Variants in PIK3CB observed in about 807,000 individuals in gnomAD.
PIK3CB encodes phosphatidylinositol-4,5-bisphosphate 3-kinase catalytic subunit beta.
In PIK3CB, 39 loss-of-function variants were observed where a neutral mutation model predicts 136.8. The observed-to-expected ratio is 0.29, with a 90% CI of 0.22 to 0.37. The LOEUF is 0.37. Among genes scored for constraint, PIK3CB ranks in the 10% least tolerant of loss-of-function variants. The pLI is 1.00. For synonymous variants in PIK3CB, 428 were observed against 436.6 expected (o/e 0.98, Z 0.25); for missense variants, 868 against 1,275.4 (o/e 0.68, Z 4.87).
intron 21 of PIK3CB, 39 bp downstream of exon 21, chr3:138,663,867 A>C (rs2043352272): frequency 1.9e-6 from 3 of 1,592,986 alleles, no homozygotes; most frequent in Non-Finnish European, 1.7e-6. Flanking sequence ...AAGAAATAGC[A>C]TTACTAAGGC....
At chr3:138,753,693 C>T (rs2045513977) in intron 4 of PIK3CB, among the ~76,000 whole-genome samples, 1 of 151,866 alleles carries the variant, frequency 6.6e-6, no homozygotes, top group African/African-American at 2.4e-5. Flanking sequence ...GTGGTCTCAA[C>T]TACTCGGGAG....
intron 13 of PIK3CB, 85 bp downstream of exon 13, chr3:138,698,822 T>C: frequency 1.3e-6 from 1 of 755,880 alleles, no homozygotes; most frequent in Non-Finnish European, 2.1e-6. Flanking sequence ...TCTATGAAAA[T>C]ATACCTATGA....
chr3:138,801,895 A>C (rs1184827000), intron 1 of PIK3CB, among the ~76,000 whole-genome samples: 2 of 150,982 alleles, frequency 1.3e-5, no homozygotes, highest in African/African-American at 2.4e-5. Context: ...TAAAGAAAAA[A>C]ATTAGCTGGG....
intron 17 of PIK3CB, among the ~76,000 whole-genome samples, chr3:138,684,121 A>G (rs2043835425): frequency 6.6e-6 from 1 of 152,244 alleles, no homozygotes; most frequent in Non-Finnish European, 1.5e-5. Flanking sequence ...TTGGATTAAA[A>G]TTAGAACTAT....
At chr3:138,775,650 C>T (rs566401044) in intron 2 of PIK3CB, among the ~76,000 whole-genome samples, 2 of 152,146 alleles carry the variant, frequency 1.3e-5, no homozygotes, top group South Asian at 4.2e-4. Context: ...CATGAAACCC[C>T]CTCACTGCCT....
At chr3:138,776,525 C>CA (rs1194046968) in intron 2 of PIK3CB, among the ~76,000 whole-genome samples, 2 of 151,784 alleles carry the variant, frequency 1.3e-5, no homozygotes, top group African/African-American at 2.4e-5. Flanking sequence ...CCTGCCTCTA[C>CA]AAAAAAATAC....
intron 2 of PIK3CB, among the ~76,000 whole-genome samples, chr3:138,783,200 C>G (rs75164983): frequency 0.044 from 6,725 of 152,190 alleles, 487 homozygotes; most frequent in African/African-American, 0.15. Context: ...CTGTAATCTT[C>G]TGATGAGAAT....
At chr3:138,732,472 T>C (rs183919223) in intron 8 of PIK3CB, among the ~76,000 whole-genome samples, 4 of 152,240 alleles carry the variant, frequency 2.6e-5, no homozygotes, top group Admixed American at 2.0e-4. Flanking sequence ...GCAACAAACA[T>C]TTCAAACAAA....
chr3:138,777,397 A>C (rs2045870612), intron 2 of PIK3CB, among the ~76,000 whole-genome samples: 2 of 152,244 alleles, frequency 1.3e-5, no homozygotes, highest in Admixed American at 1.3e-4. Context: ...GTAGCCACCA[A>C]GCAGTGAACA....
intron 2 of PIK3CB, among the ~76,000 whole-genome samples, chr3:138,765,118 G>A (rs1161067524): frequency 6.6e-6 from 1 of 152,106 alleles, no homozygotes; most frequent in Non-Finnish European, 1.5e-5. Flanking sequence ...TCAGGAGTTC[G>A]AGACCAGCCT....
intron 1 of PIK3CB, among the ~76,000 whole-genome samples, chr3:138,805,723 GTTGTTGTT>G (rs1373925287): frequency 6.6e-6 from 1 of 151,474 alleles, no homozygotes; most frequent in Admixed American, 6.6e-5. Context: ...CTCTTTTGTT[GTTGTTGTT>G]TTGCTTTGTT....
chr3:138,669,407 C>CAAAAAAAAAAAAAAAA (rs10605665), intron 19 of PIK3CB, among the ~76,000 whole-genome samples: 1 of 81,450 alleles, frequency 1.2e-5, no homozygotes, highest in African/African-American at 4.9e-5. Context: ...GACCCTGTTT[C>CAAAAAAAAAAAAAAAA]AAAAAAAAAA....
chr3:138,665,003 C>G (rs562935103), intron 20 of PIK3CB, 33 bp downstream of exon 20: 172 of 1,489,258 alleles, frequency 1.2e-4, no homozygotes, highest in Non-Finnish European at 1.6e-4. Context: ...GCTGTTTGTA[C>G]AGAAAAATGA....
At chr3:138,703,202 T>G (rs747910434) in intron 12 of PIK3CB, among the ~76,000 whole-genome samples, 9 of 152,144 alleles carry the variant, frequency 5.9e-5, no homozygotes, top group Non-Finnish European at 1.3e-4. Context: ...AAGACAAAAT[T>G]TAAGCCAAAA....
At chr3:138,722,663 T>A (rs2044752183) in intron 8 of PIK3CB, among the ~76,000 whole-genome samples, 1 of 145,608 alleles carries the variant, frequency 6.9e-6, no homozygotes. Context: ...GGAAATGAAG[T>A]AGAATTAGGG....
chr3:138,826,061 G>A, intron 1 of PIK3CB: 1 of 1,190,872 alleles, frequency 8.4e-7, no homozygotes, highest in Non-Finnish European at 1.2e-6. Context: ...CAAGTTTGCT[G>A]ACCTGAAGGA....
chr3:138,797,021 C>A (rs972971849), intron 1 of PIK3CB: 1 of 152,414 alleles, frequency 6.6e-6, no homozygotes, highest in African/African-American at 2.4e-5. Flanking sequence ...AAGAAAAACA[C>A]GCTTAATCCT....
At chr3:138,676,707 A>G (rs945022838) in intron 19 of PIK3CB, among the ~76,000 whole-genome samples, 2 of 152,336 alleles carry the variant, frequency 1.3e-5, no homozygotes, top group African/African-American at 4.8e-5. Context: ...ACATGAATAC[A>G]CTTTGAAGCC....
rs2043148444 is a variant in PIK3CB, at chr3:138,653,616, G to A, written c.*1773C>T. On this transcript the variant is annotated 3_prime_UTR_variant, in exon 24 of 24. Coordinates refer to ENST00000674063, the MANE Select transcript of PIK3CB (RefSeq NM_006219.3). Reference sequence around the variant, plus strand: ...CTGTCCTTCCATAGTTCTATTCCTGGAAGTCTCAGTGAGTCTACACCAGCC... The same window carrying A: ...CTGTCCTTCCATAGTTCTATTCCTGAAAGTCTCAGTGAGTCTACACCAGCC... 1 of 184,772 alleles carries A rather than the reference G, an allele frequency of 5.4e-6. No individual in the cohort carries two copies. Among genetic ancestry groups the A allele is most frequent in the Non-Finnish European group, 1.1e-5 (1 of 87,170 alleles). 11.4% of individuals were successfully genotyped at this position (184,772 alleles called of 1,614,324 possible).
Sources: gnomAD v4.1 joint callset for allele counts (sites outside exome capture counted in the v4.1 genomes callset) on GRCh38, gnomAD v4.1.1 for gene constraint, MANE v1.5 for transcripts, NCBI Gene and HGNC (gene_info 2026-07-23, HGNC 2026-07-21) for gene names.